PNPLA3: variants seen among roughly 807,000 people sequenced by gnomAD.
The protein encoded by PNPLA3 is 1-acylglycerol-3-phosphate O-acyltransferase PNPLA3.
In PNPLA3, 42 loss-of-function variants were observed where a neutral mutation model predicts 43.1. The observed-to-expected ratio is 0.97, with a 90% CI of 0.76 to 1.26. The LOEUF (loss-of-function observed/expected upper bound fraction) is 1.26. PNPLA3 is among the 50% of genes most tolerant of loss of function. PNPLA3 has a pLI of 0.00. For synonymous variants in PNPLA3, 272 were observed against 253.6 expected (o/e 1.07, Z -0.69); for missense variants, 647 against 621.4 (o/e 1.04, Z -0.44).
chr22:43,943,625 C>T (rs1316361441), intron 7 of PNPLA3, among the ~76,000 whole-genome samples: 5 of 152,188 alleles, frequency 3.3e-5, no homozygotes, highest in Admixed American at 6.5e-5. Context: ...TATCACTTCT[C>T]GTAAGGCTGC....
rs2146785581 is a variant in PNPLA3 at position 43,937,098 on chromosome 22, A to T, written c.805A>T (p.Met269Leu). The change falls in exon 6 of 9, where the codon ATG (methionine) becomes TTG (leucine). Residue 269 changes from methionine (M) to leucine (L), a missense_variant. By Grantham distance (15) the Met-to-Leu change is conservative. Transcript: ENST00000216180. ...AGGCCTGAAGTCATCCTCAGAAGGG[A>T]TGGATCCTGAGGTCGCCATGCCCAG... ...QPGLKSSSEG[M>L]DPEVAMPSWA... is the part of the protein sequence containing the mutation. 6.2e-7 allele frequency: 1 copy of T among 1,614,070 alleles called. No homozygotes were observed. Among genetic ancestry groups the T allele is most frequent in the Non-Finnish European group, 8.5e-7 (1 of 1,180,036 alleles).
chr22:43,928,083 C>A (rs1351753804), intron 2 of PNPLA3, among the ~76,000 whole-genome samples: 1 of 152,212 alleles, frequency 6.6e-6, no homozygotes, highest in Non-Finnish European at 1.5e-5. Context: ...ATTTGTAATA[C>A]CAAAACACCA....
At chr22:43,924,239 C>T (rs990039851) in intron 1 of PNPLA3, 141 bp downstream of exon 1, 22 of 1,009,336 alleles carry the variant, frequency 2.2e-5, no homozygotes, top group Non-Finnish European at 3.0e-5. Flanking sequence ...CCGAGGGCCC[C>T]CTCCGAGGCA....
chr22:43,939,634 G>A (rs577002798), intron 6 of PNPLA3, among the ~76,000 whole-genome samples: 3 of 152,306 alleles, frequency 2.0e-5, no homozygotes, highest in African/African-American at 4.8e-5. Context: ...GGCCAACATG[G>A]TGAAACTCCA....
At chr22:43,934,989 G>A (rs559951644) in intron 5 of PNPLA3, among the ~76,000 whole-genome samples, 79 of 152,134 alleles carry the variant, frequency 5.2e-4, no homozygotes, top group Non-Finnish European at 9.3e-4. Context: ...TTTCCAGCTC[G>A]ACCTCTTGTG....
At chr22:43,930,726 G>C (rs1233050924) in intron 3 of PNPLA3, among the ~76,000 whole-genome samples, 4 of 152,190 alleles carry the variant, frequency 2.6e-5, no homozygotes, top group Non-Finnish European at 4.4e-5. Context: ...CATGCCAGGG[G>C]GATGGAGAAG....
chr22:43,929,820 C>T (rs538566658), intron 3 of PNPLA3, among the ~76,000 whole-genome samples: 5 of 152,196 alleles, frequency 3.3e-5, no homozygotes, highest in Admixed American at 6.5e-5. Context: ...TGGTCTCCAA[C>T]TCCTGACCTC....
chr22:43,937,579 G>C (rs2050004321), intron 6 of PNPLA3, among the ~76,000 whole-genome samples: 1 of 152,088 alleles, frequency 6.6e-6, no homozygotes, highest in South Asian at 2.1e-4. Flanking sequence ...TGGGCCCTCT[G>C]TACCCCTTTC....
At chr22:43,931,028 G>A (rs1053195728) in intron 3 of PNPLA3, among the ~76,000 whole-genome samples, 1 of 152,204 alleles carries the variant, frequency 6.6e-6, no homozygotes, top group African/African-American at 2.4e-5. Context: ...TCGGGAGGCT[G>A]AGGCAGGAGA....
intron 1 of PNPLA3, 93 bp from the exon 2 acceptor site, chr22:43,926,842 G>C (rs968885804): frequency 4.4e-5 from 45 of 1,017,366 alleles, no homozygotes; most frequent in Non-Finnish European, 6.7e-5. Flanking sequence ...GAGAAATGTT[G>C]GTGGCATCCT....
At chr22:43,934,531 G>C (rs754560514) in intron 4 of PNPLA3, 75 bp from the exon 5 acceptor site, 1 of 1,417,888 alleles carries the variant, frequency 7.1e-7, no homozygotes, top group Non-Finnish European at 1.0e-6. Context: ...TGCTCTCTGC[G>C]GTCTTCCAAT....
intron 6 of PNPLA3, among the ~76,000 whole-genome samples, chr22:43,938,812 A>G (rs981820426): frequency 1.3e-5 from 2 of 152,266 alleles, no homozygotes; most frequent in South Asian, 2.1e-4. Context: ...GGCTCCAGGA[A>G]GAAGGCTCTG....
chr22:43,929,033 G>T (rs1603416020), intron 3 of PNPLA3, 144 bp downstream of exon 3: 13 of 840,648 alleles, frequency 1.5e-5, no homozygotes, highest in Non-Finnish European at 3.9e-6. Context: ...TTCAGACAGA[G>T]TAGCCACAGC....
chr22:43,933,655 T>C (rs1017307110), intron 4 of PNPLA3, among the ~76,000 whole-genome samples: 1 of 152,204 alleles, frequency 6.6e-6, no homozygotes, highest in African/African-American at 2.4e-5. Flanking sequence ...ATTACAGGCA[T>C]GAGCCATTGT....
chr22:43,937,049 A>T lies in PNPLA3; in HGVS notation c.758-2A>T, dbSNP rs1368731591. 5 of 1,612,468 alleles carry T rather than the reference A, an allele frequency of 3.1e-6. 1 individual carries two copies. Among genetic ancestry groups the T allele is most frequent in the South Asian group, 1.1e-5 (1 of 91,036 alleles). ...TGGGCTTGTTTTCCGTGCCCTTCAC[A>T]GGCATCTGCAACAGGCCCCAGCCAG... On this transcript the variant is annotated splice_acceptor_variant, in intron 5 of 8. Coordinates refer to ENST00000216180, the MANE Select transcript of PNPLA3 (RefSeq NM_025225.3). LOFTEE classifies it high-confidence loss of function.
intron 8 of PNPLA3, among the ~76,000 whole-genome samples, chr22:43,945,302 G>C (rs796620208): frequency 1.3e-5 from 2 of 152,170 alleles, no homozygotes; most frequent in Non-Finnish European, 1.5e-5. Context: ...CACAGTCTCC[G>C]GGGTGAAGCC....
At chr22:43,925,190 C>T (rs915183668) in intron 1 of PNPLA3, among the ~76,000 whole-genome samples, 2 of 152,190 alleles carry the variant, frequency 1.3e-5, no homozygotes, top group African/African-American at 4.8e-5. Flanking sequence ...GACCTAGGCC[C>T]ACCCTCCCCT....
At chr22:43,943,850 G>A (rs537388180) in intron 7 of PNPLA3, among the ~76,000 whole-genome samples, 9 of 151,902 alleles carry the variant, frequency 5.9e-5, no homozygotes, top group African/African-American at 1.7e-4. Flanking sequence ...GTGCAATGTC[G>A]CGATCTCAGC....
At chr22:43,944,393 A>G (rs1450045447) in intron 7 of PNPLA3, among the ~76,000 whole-genome samples, 1 of 152,226 alleles carries the variant, frequency 6.6e-6, no homozygotes, top group African/African-American at 2.4e-5. Context: ...GAGCCCTTGC[A>G]GCAGCTGCCA....
Sources: allele counts gnomAD v4.1 joint callset (sites outside exome capture counted in the v4.1 genomes callset), GRCh38; gene constraint gnomAD v4.1.1; transcripts MANE v1.5; gene names NCBI Gene and HGNC (gene_info 2026-07-23, HGNC 2026-07-21).